TBC1D23: variants seen among roughly 807,000 people sequenced by gnomAD.
TBC1D23 encodes the protein HCV non-structural protein 4A-transactivated protein 1.
Under a neutral mutation model 91.4 loss-of-function variants are expected in TBC1D23, and 55 were observed. The ratio of observed to expected loss-of-function variants is 0.60; its 90% CI spans 0.48 to 0.75. TBC1D23 has a LOEUF of 0.75. TBC1D23 is among the 30% of genes least tolerant of loss of function. The pLI is 0.00. For synonymous variants in TBC1D23, 289 were observed against 281.0 expected, an observed-to-expected ratio of 1.03 and a Z score of -0.28; for missense variants, 725 against 836.1, an observed-to-expected ratio of 0.87 and a Z score of 1.64.
intron 13 of TBC1D23, among the ~76,000 whole-genome samples, chr3:100,308,455 C>T (rs1463039040): frequency 8.1e-5 from 12 of 149,024 alleles, no homozygotes; most frequent in Non-Finnish European, 8.9e-5. Flanking sequence ...AGTCTCTGGG[C>T]GACAGAACGA....
At chr3:100,297,212 G>C (rs550886381) in intron 8 of TBC1D23, among the ~76,000 whole-genome samples, 16 of 152,248 alleles carry the variant, frequency 1.1e-4, no homozygotes, top group African/African-American at 3.9e-4. Flanking sequence ...ATAATTTCTA[G>C]TTGGTACTCA....
chr3:100,280,185 C>G (rs2067682634), intron 2 of TBC1D23, among the ~76,000 whole-genome samples: 1 of 151,558 alleles, frequency 6.6e-6, no homozygotes, highest in Non-Finnish European at 1.5e-5. Flanking sequence ...GCCGAGATAG[C>G]GCCACTGCAC....
chr3:100,268,204 C>G (rs2067572548), intron 1 of TBC1D23, among the ~76,000 whole-genome samples: 1 of 152,004 alleles, frequency 6.6e-6, no homozygotes, highest in Non-Finnish European at 1.5e-5. Context: ...TTCCTTTAAA[C>G]AGTTTCTAAC....
In TBC1D23 at chr3:100,295,136, T is replaced by C; in HGVS notation, c.650T>C (p.Ile217Thr). 1 of 1,607,002 alleles carries C rather than the reference T, an allele frequency of 6.2e-7. No homozygotes were observed. The highest frequency in any genetic ancestry group is 8.5e-7 in the Non-Finnish European group (1 of 1,177,652). Reference sequence around the variant, plus strand: ...TGTTCCACTGAAGTCACTCAGGCAATATGGGATGGATATCTACAACAAGCA... The same window carrying C: ...TGTTCCACTGAAGTCACTCAGGCAACATGGGATGGATATCTACAACAAGCA... ...CYCSTEVTQAIWDGYLQQADP... is the reference protein window; with the variant it reads ...CYCSTEVTQATWDGYLQQADP... Residue 217 changes from isoleucine (I) to threonine (T), a missense_variant, in exon 6 of 19, where the codon ATA becomes ACA. Coordinates refer to ENST00000394144, the MANE Select transcript of TBC1D23 (RefSeq NM_001199198.3).
At chr3:100,302,352 CT>C in intron 11 of TBC1D23, 115 bp downstream of exon 11, 2 of 800,266 alleles carry the variant, frequency 2.5e-6, no homozygotes, top group Non-Finnish European at 3.6e-6. Context: ...GGTTTTGTGA[CT>C]TGTTAAGGTC....
chr3:100,274,254 A>G (rs1409627227), intron 1 of TBC1D23, among the ~76,000 whole-genome samples: 1 of 152,204 alleles, frequency 6.6e-6, no homozygotes, highest in Admixed American at 6.5e-5. Flanking sequence ...TCAGAAACTT[A>G]TTTAAGCATT....
chr3:100,296,349 T>C (rs2148862077), intron 8 of TBC1D23, 74 bp downstream of exon 8: 1 of 859,604 alleles, frequency 1.2e-6, no homozygotes, highest in Non-Finnish European at 1.8e-6. Context: ...ATATTCACTT[T>C]AGTTAAAATA....
chr3:100,271,229 G>A (rs938092231), intron 1 of TBC1D23, among the ~76,000 whole-genome samples: 4 of 152,152 alleles, frequency 2.6e-5, no homozygotes, highest in Admixed American at 2.6e-4. Context: ...GGGTTGGCAA[G>A]AGAGGGAAGA....
chr3:100,296,375 C>T, intron 8 of TBC1D23, 100 bp downstream of exon 8: 5 of 694,292 alleles, frequency 7.2e-6, no homozygotes, highest in South Asian at 2.4e-5. Context: ...TCAATTTTTT[C>T]TGTTTCTTTA....
rs756057401 is a variant in TBC1D23 at position 100,296,726 on chromosome 3, G to A, written c.876+451G>A. Among the ~76,000 whole-genome samples, 34 of 152,066 alleles carry A rather than the reference G, an allele frequency of 2.2e-4. 1 individual carries two copies. The highest frequency in any genetic ancestry group is 1.7e-3 in the South Asian group (8 of 4,810). On this transcript the variant is annotated intron_variant, in intron 8 of 18. Transcript: ENST00000394144. Reference sequence around the variant, plus strand: ...ATACAAAAAATTAGCCGGGCGTGGTGGTGGGCGCCTGTAGTCCCAGCTACT... The same window carrying A: ...ATACAAAAAATTAGCCGGGCGTGGTAGTGGGCGCCTGTAGTCCCAGCTACT...
At chr3:100,315,414 G>A (rs922035471) in intron 15 of TBC1D23, among the ~76,000 whole-genome samples, 22 of 151,950 alleles carry the variant, frequency 1.4e-4, no homozygotes, top group African/African-American at 4.1e-4. Context: ...CACCTACCTC[G>A]GCCTCCCAAA....
chr3:100,270,921 G>T (rs2067594401), intron 1 of TBC1D23, among the ~76,000 whole-genome samples: 1 of 152,004 alleles, frequency 6.6e-6, no homozygotes, highest in East Asian at 1.9e-4. Context: ...GCATTTAAGT[G>T]TAGAGTGATT....
chr3:100,321,458 T>G (rs751540769), intron 18 of TBC1D23, among the ~76,000 whole-genome samples: 3 of 152,114 alleles, frequency 2.0e-5, no homozygotes, highest in Non-Finnish European at 4.4e-5. Context: ...CACACTGATA[T>G]TGATACTAAA....
chr3:100,296,018 T>A (rs1263475053), intron 7 of TBC1D23, among the ~76,000 whole-genome samples, 154 bp from the exon 8 acceptor site: 1 of 152,224 alleles, frequency 6.6e-6, no homozygotes, highest in Non-Finnish European at 1.5e-5. Flanking sequence ...TTCAGCTCAT[T>A]TGGAGAAATC....
intron 5 of TBC1D23, among the ~76,000 whole-genome samples, chr3:100,294,527 T>C (rs1010842842): frequency 6.6e-6 from 1 of 152,044 alleles, no homozygotes; most frequent in African/African-American, 2.4e-5. Flanking sequence ...TCCTAAAGTG[T>C]TGGGTTTACA....
intron 11 of TBC1D23, among the ~76,000 whole-genome samples, 190 bp from the exon 12 acceptor site, chr3:100,304,656 C>T (rs1004387204): frequency 6.6e-6 from 1 of 152,074 alleles, no homozygotes; most frequent in African/African-American, 2.4e-5. Context: ...ACCCAAGCAC[C>T]AGAACTTACA....
intron 1 of TBC1D23, among the ~76,000 whole-genome samples, chr3:100,277,548 A>G (rs1017727697): frequency 1.3e-5 from 2 of 152,238 alleles, no homozygotes; most frequent in African/African-American, 2.4e-5. Flanking sequence ...GCATTTTGCA[A>G]CAAAATACAA....
At chr3:100,277,751 A>G (rs1487453103) in intron 1 of TBC1D23, among the ~76,000 whole-genome samples, 1 of 152,184 alleles carries the variant, frequency 6.6e-6, no homozygotes, top group Non-Finnish European at 1.5e-5. Flanking sequence ...CAAAGATGCC[A>G]TTAAATTTTC....
At chr3:100,306,358 A>G in intron 12 of TBC1D23, 79 bp from the exon 13 acceptor site, 1 of 767,434 alleles carries the variant, frequency 1.3e-6, no homozygotes, top group Non-Finnish European at 2.2e-6. Context: ...TGACATGTTT[A>G]TTGTATTTCG....
Sources: allele counts gnomAD v4.1 joint callset (sites outside exome capture counted in the v4.1 genomes callset), GRCh38; gene constraint gnomAD v4.1.1; transcripts MANE v1.5; gene names NCBI Gene and HGNC (gene_info 2026-07-23, HGNC 2026-07-21).